The following PPARGC1A variants were observed in gnomAD, a reference collection of about 807,000 sequenced individuals.
The protein encoded by PPARGC1A is peroxisome proliferator-activated receptor gamma coactivator 1-alpha.
A neutral mutation model predicts 88.7 loss-of-function variants in PPARGC1A; 25 were observed. That is an observed-to-expected ratio of 0.28 (90% confidence interval 0.21 to 0.39). PPARGC1A has a LOEUF of 0.39. Ranked by LOEUF, PPARGC1A falls within the 10% of genes least tolerant of loss-of-function variation. PPARGC1A has a pLI of 1.00. For missense variants in PPARGC1A, 880 were observed against 968.7 expected (o/e 0.91, Z 1.22); for synonymous variants, 363 against 355.6 (o/e 1.02, Z -0.24).
At chr4:24,135,150 C>G in the PPARGC1A span, among the ~76,000 whole-genome samples, 1 of 152,076 alleles carries the variant, frequency 6.6e-6, no homozygotes, top group Non-Finnish European at 1.5e-5. Flanking sequence ...CTCTAATTGA[C>G]TCTATTAAAA....
the PPARGC1A span, among the ~76,000 whole-genome samples, chr4:24,268,826 C>A: frequency 1.6e-4 from 25 of 152,210 alleles, no homozygotes; most frequent in African/African-American, 5.8e-4. Context: ...AAAATGCAAA[C>A]TAATATTTAT....
chr4:24,187,651 A>T, the PPARGC1A span, among the ~76,000 whole-genome samples: 18 of 152,366 alleles, frequency 1.2e-4, no homozygotes, highest in African/African-American at 4.3e-4. Flanking sequence ...TTATATGATC[A>T]TTCATTCATT....
the PPARGC1A span, among the ~76,000 whole-genome samples, chr4:24,404,534 T>A: frequency 1.3e-5 from 2 of 152,090 alleles, no homozygotes; most frequent in African/African-American, 4.8e-5. Context: ...AACTGAAAGA[T>A]ATATATTAAA....
chr4:24,083,153 T>G, the PPARGC1A span, among the ~76,000 whole-genome samples: 1 of 152,020 alleles, frequency 6.6e-6, no homozygotes, highest in Non-Finnish European at 1.5e-5. Context: ...CTGAGAGAAA[T>G]AGGCAAATGA....
At chr4:24,119,910 T>G in the PPARGC1A span, among the ~76,000 whole-genome samples, 1 of 152,118 alleles carries the variant, frequency 6.6e-6, no homozygotes, top group African/African-American at 2.4e-5. Flanking sequence ...TCTTAAAAGC[T>G]TTATTAGCCA....
chr4:24,309,474 C>T, the PPARGC1A span, among the ~76,000 whole-genome samples: 3 of 152,174 alleles, frequency 2.0e-5, no homozygotes, highest in East Asian at 5.8e-4. Flanking sequence ...GGAACTAGAT[C>T]ACAAATGGCG....
the PPARGC1A span, among the ~76,000 whole-genome samples, chr4:24,127,631 A>C: frequency 6.6e-6 from 1 of 152,044 alleles, no homozygotes; most frequent in Non-Finnish European, 1.5e-5. Context: ...TTAACCCCCT[A>C]AGTTCCATCA....
chr4:24,348,141 C>T, the PPARGC1A span, among the ~76,000 whole-genome samples: 1 of 152,148 alleles, frequency 6.6e-6, no homozygotes, highest in Non-Finnish European at 1.5e-5. Flanking sequence ...GTCCCCAATC[C>T]CTTCTAGCTT....
the PPARGC1A span, among the ~76,000 whole-genome samples, chr4:24,422,647 T>C: frequency 6.7e-6 from 1 of 148,958 alleles, no homozygotes; most frequent in African/African-American, 2.5e-5. Flanking sequence ...AAAAAAAAGC[T>C]ATTTGCTCAC....
chr4:23,795,528 C>A lies in PPARGC1A; in HGVS notation c.*294G>T, dbSNP rs550604720. ...ATACACACACACATACATGCACACA[C>A]GCACACTCCATCACCAAGAGACTCC... On this transcript the variant is annotated 3_prime_UTR_variant, in exon 13 of 13. Transcript: ENST00000264867. The A allele has an allele frequency of 3.0e-5, 10 of 328,602 alleles. No individual in the cohort carries two copies. The highest frequency in any genetic ancestry group is 5.7e-5 in the Non-Finnish European group (10 of 176,266). The allele number at this position is 328,602 out of a possible 1,614,324, so 20.4% of individuals were successfully genotyped here.
At chr4:24,028,755 C>A in the PPARGC1A span, among the ~76,000 whole-genome samples, 1 of 152,166 alleles carries the variant, frequency 6.6e-6, no homozygotes, top group African/African-American at 2.4e-5. Flanking sequence ...TAGAAAAGCA[C>A]TCCTCAAAAT....
At chr4:23,847,844 T>C (rs60919668) in intron 2 of PPARGC1A, among the ~76,000 whole-genome samples, 48,822 of 152,112 alleles carry the variant, frequency 0.32, 8,457 homozygotes, top group Middle Eastern at 0.47. Flanking sequence ...TGACTTTAAG[T>C]CAATTTGTCT....
chr4:24,336,041 C>T, the PPARGC1A span, among the ~76,000 whole-genome samples: 10 of 152,122 alleles, frequency 6.6e-5, no homozygotes, highest in African/African-American at 2.2e-4. Flanking sequence ...TATTTCTTCA[C>T]TTTTTTTCCC....
At chr4:24,337,536 C>T in the PPARGC1A span, among the ~76,000 whole-genome samples, 4,722 of 152,156 alleles carry the variant, frequency 0.031, 180 homozygotes, top group East Asian at 0.18. Context: ...CCAGGTCCTC[C>T]GAGAGGAGCC....
At chr4:24,192,170 G>C in the PPARGC1A span, among the ~76,000 whole-genome samples, 1 of 152,090 alleles carries the variant, frequency 6.6e-6, no homozygotes, top group African/African-American at 2.4e-5. Flanking sequence ...TGGGAAAAAT[G>C]TTGTCCTGGA....
chr4:23,959,738 C>T, the PPARGC1A span, among the ~76,000 whole-genome samples: 2 of 152,110 alleles, frequency 1.3e-5, no homozygotes, highest in South Asian at 4.1e-4. Flanking sequence ...TCCTTCTTAG[C>T]TGTCCTGATC....
At chr4:24,162,343 C>A in the PPARGC1A span, among the ~76,000 whole-genome samples, 1 of 152,050 alleles carries the variant, frequency 6.6e-6, no homozygotes, top group Non-Finnish European at 1.5e-5. Context: ...CAAACACAAC[C>A]TGTTCCCCAA....
chr4:24,078,672 CCTG>C, the PPARGC1A span, among the ~76,000 whole-genome samples: 1 of 152,034 alleles, frequency 6.6e-6, no homozygotes, highest in Admixed American at 6.6e-5. Flanking sequence ...AGCAAAACAG[CCTG>C]CTTTTTGTTG....
the PPARGC1A span, among the ~76,000 whole-genome samples, chr4:24,088,077 G>A: frequency 6.6e-6 from 1 of 152,258 alleles, no homozygotes; most frequent in South Asian, 2.1e-4. Context: ...GGCCAGGTGT[G>A]GTGGTTCACA....
Sources: gnomAD v4.1 joint callset for allele counts (sites outside exome capture counted in the v4.1 genomes callset) on GRCh38, gnomAD v4.1.1 for gene constraint, MANE v1.5 for transcripts, NCBI Gene and HGNC (gene_info 2026-07-23, HGNC 2026-07-21) for gene names.